Variants in RGS7BP observed in about 807,000 individuals in gnomAD.
RGS7BP encodes the protein regulator of G protein signaling 7 binding protein.
Under a neutral mutation model 31.3 loss-of-function variants are expected in RGS7BP, and 9 were observed. That is an observed-to-expected ratio of 0.29 (90% CI 0.17 to 0.50). The LOEUF is 0.50. RGS7BP is among the 20% of genes least tolerant of loss of function. The pLI is 0.98. For missense variants in RGS7BP, 274 were observed against 322.0 expected (o/e 0.85, Z 1.14); for synonymous variants, 115 against 120.1 (o/e 0.96, Z 0.28).
At chr5:64,545,049 A>C (rs958403093) in intron 2 of RGS7BP, among the ~76,000 whole-genome samples, 1 of 151,638 alleles carries the variant, frequency 6.6e-6, no homozygotes, top group African/African-American at 2.4e-5. Context: ...GGTGGTGGGC[A>C]CCTGTAGTCC....
intron 2 of RGS7BP, among the ~76,000 whole-genome samples, chr5:64,545,588 G>A (rs1364769094): frequency 6.6e-6 from 1 of 152,182 alleles, no homozygotes; most frequent in Admixed American, 6.5e-5. Context: ...TAATTTATGT[G>A]GGCAGTGATG....
chr5:64,581,952 G>A (rs1233022789), intron 3 of RGS7BP, among the ~76,000 whole-genome samples: 1 of 152,120 alleles, frequency 6.6e-6, no homozygotes, highest in African/African-American at 2.4e-5. Context: ...ATATAATAAG[G>A]GCTACTGAGT....
At chr5:64,541,131 G>A (rs992408351) in intron 2 of RGS7BP, among the ~76,000 whole-genome samples, 141 of 152,146 alleles carry the variant, frequency 9.3e-4, no homozygotes, top group African/African-American at 3.3e-3. Flanking sequence ...GCTTCTGCTG[G>A]TGACGGCCCC....
rs571030718 is a variant in RGS7BP, at chr5:64,506,505, G to C, written c.-120G>C. 1.2e-4 allele frequency: 96 copies of C among 820,074 alleles called. No individual in the cohort carries two copies. Among genetic ancestry groups the C allele is most frequent in the Admixed American group, 2.9e-4 (10 of 34,634 alleles). 50.8% of individuals were successfully genotyped at this position (820,074 alleles called of 1,614,324 possible). ...GACCCGCGCAGCCAGCCCCAGCACT[G>C]TGAGCTGCGCGCCTCAGGTCCGGGC... On this transcript the variant is annotated 5_prime_UTR_variant, in exon 1 of 6. Coordinates refer to ENST00000334025, the MANE Select transcript of RGS7BP (RefSeq NM_001029875.3). The surrounding 1 kb of genome is among the most constrained non-coding windows in gnomAD (Gnocchi z 4.6).
In RGS7BP at chr5:64,602,654, C is replaced by G. The variant is rs142244295; in HGVS notation, c.682+4219C>G. On this transcript the variant is annotated intron_variant, in intron 5 of 5. Coordinates refer to ENST00000334025, the MANE Select transcript of RGS7BP (RefSeq NM_001029875.3). ...AACTTTTCCAAATGCCATATGCCTC[C>G]TCTCTCACAGATTCTGGTAGAGCCT... Among the ~76,000 whole-genome samples the G allele has an allele frequency of 5.2e-3, 790 of 152,318 alleles. 8 individuals are homozygous for G. Among genetic ancestry groups the G allele is most frequent in the African/African-American group, 0.018 (765 of 41,578 alleles).
chr5:64,537,457 A>G (rs1017639154), intron 2 of RGS7BP, among the ~76,000 whole-genome samples: 2 of 152,132 alleles, frequency 1.3e-5, no homozygotes, highest in African/African-American at 4.8e-5. Flanking sequence ...AGTTTAAGAT[A>G]TATAGTTAGC....
intron 2 of RGS7BP, among the ~76,000 whole-genome samples, chr5:64,532,372 AG>A (rs933591883): frequency 6.6e-6 from 1 of 151,732 alleles, no homozygotes; most frequent in Non-Finnish European, 1.5e-5. Flanking sequence ...CAAACAGAAG[AG>A]CCCCGTAGAA....
chr5:64,514,107 A>G (rs1485218439), intron 2 of RGS7BP, among the ~76,000 whole-genome samples: 1 of 152,134 alleles, frequency 6.6e-6, no homozygotes, highest in African/African-American at 2.4e-5. Flanking sequence ...GGTTTGGTGA[A>G]GCATCTCTGC....
intron 5 of RGS7BP, among the ~76,000 whole-genome samples, chr5:64,602,714 A>G (rs79472229): frequency 0.012 from 1,803 of 152,268 alleles, 37 homozygotes; most frequent in African/African-American, 0.042. Flanking sequence ...TTACATATGC[A>G]GACACACACA....
chr5:64,526,641 C>T (rs1749237788), intron 2 of RGS7BP, among the ~76,000 whole-genome samples: 1 of 152,158 alleles, frequency 6.6e-6, no homozygotes, highest in Non-Finnish European at 1.5e-5. Context: ...CGACTGATAC[C>T]TCTGTAGGAC....
chr5:64,609,249 C>G lies in RGS7BP; in HGVS notation c.771C>G (p.Ser257Arg). ...RFFGLCCLIS[S>R] is the part of the protein sequence containing the mutation. ...TTGGGCTGTGTTGTCTCATCTCAAG[C>G]TAGGTGGCTCCTCCTGGAAACCCAC... is the stretch of plus-strand genomic sequence containing the variant. Residue 257 changes from serine to arginine, a missense_variant, in exon 6 of 6, where the codon AGC (serine) becomes AGG (arginine). Transcript: ENST00000334025. The G allele has an allele frequency of 6.3e-7, 1 of 1,578,212 alleles. No homozygotes were observed. The highest frequency in any genetic ancestry group is 8.7e-7 in the Non-Finnish European group (1 of 1,147,700).
intron 2 of RGS7BP, among the ~76,000 whole-genome samples, chr5:64,556,457 AC>A (rs1429721508): frequency 4.0e-5 from 6 of 150,530 alleles, no homozygotes; most frequent in African/African-American, 9.8e-5. Context: ...ACACACACAC[AC>A]ACAAAATTGG....
chr5:64,534,853 G>C (rs1475442277), intron 2 of RGS7BP, among the ~76,000 whole-genome samples: 1 of 152,196 alleles, frequency 6.6e-6, no homozygotes. Flanking sequence ...AGTTCATGTA[G>C]GGAGATGATG....
rs1742345001 is a variant in RGS7BP, at chr5:64,573,384, A to G, written c.333-2390A>G. 2.0e-5 allele frequency among the ~76,000 whole-genome samples: 3 copies of G among 152,180 alleles called. No homozygotes were observed. In the South Asian group the frequency reaches 6.2e-4, roughly 32 times the overall value. On this transcript the variant is annotated intron_variant, in intron 2 of 5. Coordinates refer to ENST00000334025, the MANE Select transcript of RGS7BP (RefSeq NM_001029875.3). Reference sequence around the variant, plus strand: ...TTAAATTACATAAAATGTCATCCATATATGAAGTTTGCGTATTTTTGGAGC... The same window carrying G: ...TTAAATTACATAAAATGTCATCCATGTATGAAGTTTGCGTATTTTTGGAGC...
At chr5:64,609,125 A>T (rs761077043) in intron 5 of RGS7BP, 36 bp from the exon 6 acceptor site, 1 of 1,327,596 alleles carries the variant, frequency 7.5e-7, no homozygotes, top group South Asian at 1.2e-5. Flanking sequence ...TGTTGTGTCT[A>T]TACCTCACTT....
chr5:64,558,446 A>G (rs1286757076), intron 2 of RGS7BP, among the ~76,000 whole-genome samples: 1 of 152,122 alleles, frequency 6.6e-6, no homozygotes, highest in Non-Finnish European at 1.5e-5. Flanking sequence ...TCCCCAATCA[A>G]TACCCTTATA....
rs563919561 is a variant in RGS7BP at position 64,572,801 on chromosome 5, C to T, written c.333-2973C>T. On this transcript the variant is annotated intron_variant, in intron 2 of 5. Coordinates refer to ENST00000334025, the MANE Select transcript of RGS7BP (RefSeq NM_001029875.3). ...AGGCATTTTAATCTGTTTTGACTTG[C>T]CTTTTCTTTTTTTTTTTAATTTTAT... Among the ~76,000 whole-genome samples, 13 of 148,004 alleles carry T rather than the reference C, an allele frequency of 8.8e-5. No individual in the cohort carries two copies. In the East Asian group the frequency reaches 1.2e-3, roughly 13 times the overall value.
At chr5:64,576,496 G>A (rs997699848) in intron 3 of RGS7BP, among the ~76,000 whole-genome samples, 1 of 152,176 alleles carries the variant, frequency 6.6e-6, no homozygotes, top group African/African-American at 2.4e-5. Context: ...TTACCCTCGA[G>A]CTGGCTTCCC....
At chr5:64,516,780 G>A (rs183312402) in intron 2 of RGS7BP, among the ~76,000 whole-genome samples, 103 of 152,208 alleles carry the variant, frequency 6.8e-4, no homozygotes, top group African/African-American at 2.4e-3. Context: ...CTAGAATAGC[G>A]ATTCTCAACC....
Sources: allele counts gnomAD v4.1 joint callset (sites outside exome capture counted in the v4.1 genomes callset), GRCh38; gene constraint gnomAD v4.1.1; non-coding constraint Gnocchi (gnomAD v3.1); transcripts MANE v1.5; gene names NCBI Gene and HGNC (gene_info 2026-07-23, HGNC 2026-07-21).